Variants in CACNA1E observed in about 807,000 individuals in gnomAD.
CACNA1E encodes the protein calcium voltage-gated channel subunit alpha1 E, also known as voltage-dependent R-type calcium channel subunit alpha-1E.
In CACNA1E, 40 loss-of-function variants were observed where a neutral mutation model predicts 259.2. That is an observed-to-expected ratio of 0.15 (90% CI 0.12 to 0.20). The LOEUF is 0.20. Among genes scored for constraint, CACNA1E ranks in the 10% least tolerant of loss-of-function variants. The pLI, the probability that CACNA1E is intolerant of heterozygous loss-of-function variation, is 1.00. For synonymous variants in CACNA1E, 1,104 were observed against 1,138.5 expected (o/e 0.97, Z 0.61); for missense variants, 1,874 against 3,040.1 (o/e 0.62, Z 9.02).
intron 6 of CACNA1E, among the ~76,000 whole-genome samples, chr1:181,650,380 T>A (rs1292430352): frequency 6.6e-6 from 1 of 152,162 alleles, no homozygotes; most frequent in Non-Finnish European, 1.5e-5. Context: ...AAATGGGTCT[T>A]AGAGTTTGTG....
At chr1:181,510,743 C>T (rs938086114) in intron 2 of CACNA1E, among the ~76,000 whole-genome samples, 161 bp downstream of exon 2, 3 of 152,124 alleles carry the variant, frequency 2.0e-5, no homozygotes, top group African/African-American at 7.2e-5. Context: ...GGGATTCACA[C>T]GGAAAAGAAG....
intron 6 of CACNA1E, among the ~76,000 whole-genome samples, chr1:181,581,410 T>C (rs1373942229): frequency 6.6e-6 from 1 of 152,212 alleles, no homozygotes; most frequent in African/African-American, 2.4e-5. Flanking sequence ...GGGGTGCTTG[T>C]TGAAAATTCA....
chr1:181,363,037 G>A (rs1036111162), intron 1 of CACNA1E, among the ~76,000 whole-genome samples: 1 of 152,194 alleles, frequency 6.6e-6, no homozygotes, highest in Non-Finnish European at 1.5e-5. Context: ...GCCCTCAAGG[G>A]CTCTGTGGAC....
chr1:181,370,926 G>A (rs545023355), intron 1 of CACNA1E, among the ~76,000 whole-genome samples: 42 of 152,094 alleles, frequency 2.8e-4, no homozygotes, highest in African/African-American at 9.9e-4. Flanking sequence ...CCACAGCCTC[G>A]ACAACATGTT....
chr1:181,729,849 G>C (rs1415200354), intron 18 of CACNA1E, among the ~76,000 whole-genome samples: 1 of 152,226 alleles, frequency 6.6e-6, no homozygotes, highest in Non-Finnish European at 1.5e-5. Context: ...GCAAATAGAT[G>C]GTGTGATGTG....
At chr1:181,438,673 G>A (rs1660247950) in intron 2 of CACNA1E, among the ~76,000 whole-genome samples, 2 of 152,160 alleles carry the variant, frequency 1.3e-5, no homozygotes, top group Admixed American at 6.5e-5. Flanking sequence ...AATTCAGAAA[G>A]GTGGATCATA....
chr1:181,747,058 G>C (rs1412310808), intron 25 of CACNA1E, among the ~76,000 whole-genome samples: 1 of 152,222 alleles, frequency 6.6e-6, no homozygotes, highest in East Asian at 1.9e-4. Flanking sequence ...CCAAATAATA[G>C]TCCAGACACA....
chr1:181,597,509 C>T (rs1254141951), intron 6 of CACNA1E, among the ~76,000 whole-genome samples: 5 of 152,282 alleles, frequency 3.3e-5, no homozygotes, highest in African/African-American at 7.2e-5. Context: ...AGACAGGAAA[C>T]GTGGATAAAC....
rs368191295 is a variant in CACNA1E, at chr1:181,603,959, G to A, written c.951+23183G>A. ...GAGAAGTGTGCCACTAAGTGAAAAT[G>A]AGGCTTGGCGACTGCCCTGTGACCC... On this transcript the variant is annotated intron_variant, in intron 6 of 47. Coordinates refer to ENST00000367573, the MANE Select transcript of CACNA1E (RefSeq NM_001205293.3). 5.9e-5 allele frequency among the ~76,000 whole-genome samples: 9 copies of A among 152,326 alleles called. No homozygotes were observed. In the East Asian group the frequency reaches 1.7e-3, roughly 29 times the overall value.
chr1:181,530,700 T>C (rs1667716733), intron 3 of CACNA1E, among the ~76,000 whole-genome samples: 1 of 152,248 alleles, frequency 6.6e-6, no homozygotes, highest in African/African-American at 2.4e-5. Context: ...TACCTTTACC[T>C]GTCTACCTTC....
chr1:181,617,837 T>C (rs1009240720), intron 6 of CACNA1E, among the ~76,000 whole-genome samples: 1 of 152,226 alleles, frequency 6.6e-6, no homozygotes, highest in East Asian at 1.9e-4. Flanking sequence ...AATGACTCCG[T>C]TGGATGTGCC....
chr1:181,714,680 C>G (rs1445435741), intron 8 of CACNA1E, among the ~76,000 whole-genome samples: 1 of 152,134 alleles, frequency 6.6e-6, no homozygotes, highest in African/African-American at 2.4e-5. Context: ...TGCCAGGAAC[C>G]AGAGACAAAA....
chr1:181,398,953 G>A (rs1656887490), intron 1 of CACNA1E, among the ~76,000 whole-genome samples: 1 of 152,200 alleles, frequency 6.6e-6, no homozygotes, highest in Admixed American at 6.5e-5. Flanking sequence ...TCCAGGCAAT[G>A]CTGCTGTGTA....
chr1:181,498,305 G>T (rs1320336822), intron 1 of CACNA1E, among the ~76,000 whole-genome samples: 1 of 152,140 alleles, frequency 6.6e-6, no homozygotes, highest in East Asian at 1.9e-4. Context: ...GTGGAAAAGG[G>T]CAGCTTTTCC....
At chr1:181,779,710 T>C (rs1464506574) in intron 38 of CACNA1E, among the ~76,000 whole-genome samples, 1 of 152,022 alleles carries the variant, frequency 6.6e-6, no homozygotes, top group African/African-American at 2.4e-5. Flanking sequence ...TACATAAAGA[T>C]AAGGGCATAC....
intron 44 of CACNA1E, 114 bp from the exon 45 acceptor site, chr1:181,793,551 G>T: frequency 8.9e-7 from 1 of 1,122,910 alleles, no homozygotes; most frequent in East Asian, 2.6e-5. Context: ...AGACCTTAAA[G>T]CTGCAAGTCT....
At chr1:181,573,542 G>A (rs1016576223) in intron 3 of CACNA1E, among the ~76,000 whole-genome samples, 23 of 152,130 alleles carry the variant, frequency 1.5e-4, no homozygotes, top group Admixed American at 2.6e-4. Flanking sequence ...AAGATCCCAC[G>A]GGACAGGATC....
intron 2 of CACNA1E, among the ~76,000 whole-genome samples, chr1:181,416,669 C>T (rs1433322267): frequency 6.6e-6 from 1 of 152,174 alleles, no homozygotes; most frequent in Non-Finnish European, 1.5e-5. Flanking sequence ...GCTTTCCCTT[C>T]CACGCTGCCT....
intron 3 of CACNA1E, among the ~76,000 whole-genome samples, chr1:181,548,657 T>C (rs1313314066): frequency 1.3e-5 from 2 of 152,248 alleles, no homozygotes; most frequent in African/African-American, 4.8e-5. Flanking sequence ...ATGTGGTTTA[T>C]CTACACAGCC....
Sources: gnomAD v4.1 joint callset for allele counts (sites outside exome capture counted in the v4.1 genomes callset) on GRCh38, gnomAD v4.1.1 for gene constraint, MANE v1.5 for transcripts, NCBI Gene and HGNC (gene_info 2026-07-23, HGNC 2026-07-21) for gene names.